The following ABHD3 variants were observed in gnomAD, a reference collection of about 807,000 sequenced individuals.
The protein encoded by ABHD3 is abhydrolase domain containing 3, phospholipase, also known as phospholipase ABHD3.
Under a neutral mutation model 48.8 loss-of-function variants are expected in ABHD3, and 46 were observed. The ratio of observed to expected loss-of-function variants is 0.94; its 90% CI spans 0.74 to 1.20. ABHD3 has a LOEUF of 1.20. Among genes scored for constraint, ABHD3 ranks in the 50% most tolerant of loss-of-function variants. ABHD3 has a pLI of 0.00. For missense variants in ABHD3, 490 were observed against 497.8 expected (o/e 0.98, Z 0.15); for synonymous variants, 192 against 183.7 (o/e 1.04, Z -0.36).
chr18:21,656,434 A>C (rs2039351410), intron 8 of ABHD3, among the ~76,000 whole-genome samples: 4 of 152,176 alleles, frequency 2.6e-5, no homozygotes, highest in Admixed American at 2.6e-4. Flanking sequence ...ACTAATTGAG[A>C]TATTCAAAGC....
At chr18:21,659,673 G>T (rs1428878901) in intron 5 of ABHD3, among the ~76,000 whole-genome samples, 130 of 147,650 alleles carry the variant, frequency 8.8e-4, no homozygotes, top group Non-Finnish European at 1.5e-3. Context: ...TTTTTTTTTT[G>T]TGTGTGTGTG....
At chr18:21,700,985 CCTCA>C (rs2040500281) in intron 3 of ABHD3, among the ~76,000 whole-genome samples, 1 of 142,194 alleles carries the variant, frequency 7.0e-6, no homozygotes, top group East Asian at 2.0e-4. Flanking sequence ...AGGAACCAAG[CCTCA>C]CATCTAACTG....
intron 6 of ABHD3, 44 bp from the exon 7 acceptor site, chr18:21,657,196 A>G (rs372116137): frequency 5.8e-6 from 9 of 1,538,916 alleles, no homozygotes; most frequent in Non-Finnish European, 7.0e-6. Flanking sequence ...GATCATTCCT[A>G]CTCCATCATA....
intron 5 of ABHD3, among the ~76,000 whole-genome samples, chr18:21,663,206 A>T (rs1011652541): frequency 1.5e-4 from 23 of 151,930 alleles, no homozygotes; most frequent in African/African-American, 3.9e-4. Flanking sequence ...AAAAATTAAA[A>T]TTTTTTTTCT....
At chr18:21,702,103 G>A (rs996268463) in intron 3 of ABHD3, 1 of 452,448 alleles carries the variant, frequency 2.2e-6, no homozygotes, top group Middle Eastern at 6.0e-4. Context: ...TCTGCAGAGT[G>A]TCTACTATGC....
At chr18:21,678,250 T>C (rs562537785) in intron 4 of ABHD3, among the ~76,000 whole-genome samples, 2 of 152,338 alleles carry the variant, frequency 1.3e-5, no homozygotes, top group South Asian at 2.1e-4. Flanking sequence ...CTACTGTGCC[T>C]GGCTCATGTA....
intron 6 of ABHD3, 36 bp from the exon 7 acceptor site, chr18:21,657,188 T>G: frequency 6.4e-7 from 1 of 1,564,044 alleles, no homozygotes; most frequent in Non-Finnish European, 8.7e-7. Flanking sequence ...AAAATCAAGA[T>G]CATTCCTACT....
At chr18:21,687,136 T>G (rs376555388) in intron 3 of ABHD3, among the ~76,000 whole-genome samples, 1 of 152,052 alleles carries the variant, frequency 6.6e-6, no homozygotes, top group Non-Finnish European at 1.5e-5. Flanking sequence ...CTTGAGCTTG[T>G]GAGCTCAAAA....
chr18:21,704,231 C>A (rs1598572863), intron 1 of ABHD3, among the ~76,000 whole-genome samples: 1 of 152,236 alleles, frequency 6.6e-6, no homozygotes, highest in Admixed American at 6.5e-5. Context: ...AGTGCGCCGC[C>A]GGCTTCGCGA....
intron 4 of ABHD3, chr18:21,683,609 C>A (rs767130272): frequency 2.2e-6 from 1 of 464,932 alleles, no homozygotes; most frequent in Non-Finnish European, 4.4e-6. Context: ...GAATAACTAT[C>A]GATGTTAAAA....
At chr18:21,659,062 A>G (rs2039422008) in intron 6 of ABHD3, 108 bp downstream of exon 6, 2 of 1,156,034 alleles carry the variant, frequency 1.7e-6, no homozygotes, top group Non-Finnish European at 2.4e-6. Flanking sequence ...GATGGTCTCG[A>G]TCTCCTGACC....
chr18:21,668,515 T>C (rs1271043837), intron 4 of ABHD3, among the ~76,000 whole-genome samples: 1 of 152,158 alleles, frequency 6.6e-6, no homozygotes, highest in East Asian at 1.9e-4. Flanking sequence ...TCACAGAATC[T>C]TTGTGTCAAA....
chr18:21,668,739 A>C (rs1337228750), intron 4 of ABHD3, among the ~76,000 whole-genome samples: 1 of 152,190 alleles, frequency 6.6e-6, no homozygotes, highest in African/African-American at 2.4e-5. Context: ...TTTTTCCCTA[A>C]ACGTTTTTCT....
At chr18:21,675,096 A>G (rs1214891262) in intron 4 of ABHD3, among the ~76,000 whole-genome samples, 3 of 152,028 alleles carry the variant, frequency 2.0e-5, no homozygotes, top group African/African-American at 7.2e-5. Context: ...CCCTCCTTCC[A>G]TCTATCCCCA....
At chr18:21,654,646 T>G (rs1457542325) in intron 8 of ABHD3, among the ~76,000 whole-genome samples, 2 of 152,226 alleles carry the variant, frequency 1.3e-5, no homozygotes, top group Non-Finnish European at 2.9e-5. Context: ...GTGTTTCATT[T>G]GCCTCTAAAG....
intron 2 of ABHD3, among the ~76,000 whole-genome samples, chr18:21,703,218 A>ACCCTC (rs2040552828): frequency 1.6e-5 from 1 of 63,032 alleles, no homozygotes; most frequent in Non-Finnish European, 3.2e-5. Context: ...TTCTCACCCC[A>ACCCTC]CCCCCCCCCC....
intron 4 of ABHD3, among the ~76,000 whole-genome samples, chr18:21,676,668 C>G (rs964319019): frequency 1.3e-5 from 2 of 152,164 alleles, no homozygotes; most frequent in Non-Finnish European, 2.9e-5. Flanking sequence ...TGGGATTACC[C>G]GCATAAGCCA....
In ABHD3 at chr18:21,703,569, C is replaced by T; in HGVS notation, c.326+15G>A. The stretch of plus-strand genomic sequence containing the variant: ...GTGATTTTGCAGAAATGACTGAAAA[C>T]GGAAATTCACTTACTTCCTGTACTG... On this transcript the variant is annotated intron_variant, in intron 2 of 8. Coordinates refer to ENST00000289119, the MANE Select transcript of ABHD3 (RefSeq NM_138340.5). 1 of 1,588,184 alleles carries T rather than the reference C, an allele frequency of 6.3e-7. No individual in the cohort carries two copies. The highest frequency in any genetic ancestry group is 1.7e-4 in the Middle Eastern group (1 of 5,956).
chr18:21,704,369 G>T, intron 1 of ABHD3, 135 bp downstream of exon 1: 4 of 980,250 alleles, frequency 4.1e-6, no homozygotes, highest in Non-Finnish European at 5.3e-6. Context: ...GCGCGCGCTG[G>T]GGGCTGCCGC....
Sources: allele counts gnomAD v4.1 joint callset (sites outside exome capture counted in the v4.1 genomes callset), GRCh38; gene constraint gnomAD v4.1.1; transcripts MANE v1.5; gene names NCBI Gene and HGNC (gene_info 2026-07-23, HGNC 2026-07-21).